Variants in AGPAT5 observed in about 807,000 individuals in gnomAD.
AGPAT5 encodes 1-acyl-sn-glycerol-3-phosphate acyltransferase epsilon.
Under a neutral mutation model 45.6 loss-of-function variants are expected in AGPAT5, and 46 were observed. The ratio of observed to expected loss-of-function variants is 1.01; its 90% CI spans 0.80 to 1.29. The LOEUF is 1.29. AGPAT5 is among the 50% of genes most tolerant of loss of function. The pLI is 0.00. For synonymous variants in AGPAT5, 272 were observed against 167.0 expected (o/e 1.63, Z -4.85); for missense variants, 673 against 450.7 (o/e 1.49, Z -4.47).
rs747102463 is a variant in AGPAT5, at chr8:6,730,856, A to G, written c.405+30A>G. The G allele has an allele frequency of 7.1e-6, 10 of 1,408,066 alleles. No homozygotes were observed. In the Admixed American group the frequency reaches 1.7e-4, roughly 24 times the overall value. 87.2% of individuals were successfully genotyped at this position (1,408,066 alleles called of 1,614,324 possible). A position where few individuals can be genotyped will look rare whatever the true frequency, so the allele number is the denominator to read the frequency against. ...CTTGTTTCCATGCTTTTCTCTCTATATATGTAGTTTATAAATTTTTTTTTT... is the reference window on the plus strand; with the variant it reads ...CTTGTTTCCATGCTTTTCTCTCTATGTATGTAGTTTATAAATTTTTTTTTT... On this transcript the variant is annotated intron_variant, in intron 3 of 7. Transcript: ENST00000285518.
intron 6 of AGPAT5, among the ~76,000 whole-genome samples, chr8:6,753,324 A>G (rs1801719046): frequency 6.6e-6 from 1 of 152,192 alleles, no homozygotes; most frequent in African/African-American, 2.4e-5. Context: ...CCAGCACTTG[A>G]AATACCGGGT....
chr8:6,732,550 G>C lies in AGPAT5; in HGVS notation c.406-11G>C. The C allele has an allele frequency of 6.3e-7, 1 of 1,583,210 alleles. No individual in the cohort carries two copies. Among genetic ancestry groups the C allele is most frequent in the Non-Finnish European group, 8.5e-7 (1 of 1,170,856 alleles). On this transcript the variant is annotated splice_polypyrimidine_tract_variant and intron_variant, in intron 3 of 7. Transcript: ENST00000285518. ...AAGTAAATGCTCTTTCTCCCGATTTGATTGTGGCAGCATGGAGGAATCTAT... is the reference window on the plus strand; with the variant it reads ...AAGTAAATGCTCTTTCTCCCGATTTCATTGTGGCAGCATGGAGGAATCTAT...
chr8:6,754,820 T>C (rs1463945046), intron 6 of AGPAT5, among the ~76,000 whole-genome samples: 4 of 152,196 alleles, frequency 2.6e-5, no homozygotes, highest in African/African-American at 4.8e-5. Context: ...ATGACTTATG[T>C]AATTGTAGTT....
chr8:6,728,455 T>A (rs1332299832), intron 2 of AGPAT5, among the ~76,000 whole-genome samples: 1 of 152,216 alleles, frequency 6.6e-6, no homozygotes, highest in Non-Finnish European at 1.5e-5. Context: ...TTCTTAAATG[T>A]TTCCACTAAA....
intron 6 of AGPAT5, among the ~76,000 whole-genome samples, chr8:6,748,740 G>C (rs1378556179): frequency 6.6e-6 from 1 of 152,076 alleles, no homozygotes; most frequent in Admixed American, 6.6e-5. Flanking sequence ...CCTTACCTCA[G>C]GTGATCCACG....
At chr8:6,732,674 T>C (rs1423570947) in intron 4 of AGPAT5, 24 bp downstream of exon 4, 1 of 1,543,444 alleles carries the variant, frequency 6.5e-7, no homozygotes, top group Non-Finnish European at 8.8e-7. Flanking sequence ...CGTTTTTATT[T>C]TTCTTACCAG....
At chr8:6,732,046 C>G (rs960686675) in intron 3 of AGPAT5, among the ~76,000 whole-genome samples, 3 of 152,202 alleles carry the variant, frequency 2.0e-5, no homozygotes, top group African/African-American at 4.8e-5. Context: ...AAGTCCCTCT[C>G]TCTGAATACA....
chr8:6,723,808 G>A (rs1800589314), intron 1 of AGPAT5, among the ~76,000 whole-genome samples: 2 of 152,150 alleles, frequency 1.3e-5, no homozygotes, highest in South Asian at 2.1e-4. Context: ...AAGTGCATTT[G>A]TCTGCAAAGT....
chr8:6,757,405 A>G lies in AGPAT5; in HGVS notation c.*17A>G. The G allele has an allele frequency of 6.3e-7, 1 of 1,599,936 alleles. No individual in the cohort carries two copies. Among genetic ancestry groups the G allele is most frequent in the East Asian group, 2.2e-5 (1 of 44,794 alleles). On this transcript the variant is annotated 3_prime_UTR_variant, in exon 8 of 8. Coordinates refer to ENST00000285518, the MANE Select transcript of AGPAT5 (RefSeq NM_018361.5). Reference sequence around the variant, plus strand: ...AAAGCATAGACAAGTAGCTGTCTCCAGACAGTGGGATGTGCTACATTGTCT... The same window carrying G: ...AAAGCATAGACAAGTAGCTGTCTCCGGACAGTGGGATGTGCTACATTGTCT...
chr8:6,724,864 T>C lies in AGPAT5; in HGVS notation c.220-6T>C. The C allele has an allele frequency of 1.1e-6, 1 of 942,136 alleles. No homozygotes were observed. 58.4% of individuals were successfully genotyped at this position (942,136 alleles called of 1,614,324 possible). On this transcript the variant is annotated splice_region_variant and splice_polypyrimidine_tract_variant and intron_variant, in intron 1 of 7. Transcript: ENST00000285518. Reference sequence around the variant, plus strand: ...CAAAGTAATGTTTTTTTGTTTTATCTTTTAGATATTGCTATATGGAGATTT... The same window carrying C: ...CAAAGTAATGTTTTTTTGTTTTATCCTTTAGATATTGCTATATGGAGATTT...
intron 4 of AGPAT5, among the ~76,000 whole-genome samples, chr8:6,739,370 A>G (rs1422879966): frequency 1.3e-5 from 2 of 152,120 alleles, no homozygotes; most frequent in Non-Finnish European, 1.5e-5. Flanking sequence ...GATATAGATG[A>G]ATTTGGGAAG....
In AGPAT5 at chr8:6,760,367, C is replaced by T. The variant is rs1801994151; in HGVS notation, c.*2979C>T. On this transcript the variant is annotated 3_prime_UTR_variant, in exon 8 of 8. Coordinates refer to ENST00000285518, the MANE Select transcript of AGPAT5 (RefSeq NM_018361.5). The stretch of plus-strand genomic sequence containing the variant: ...GAGCCATGGACATACCACTGCACTA[C>T]AGCCTAGGTAACAGCACGAGACCCC... Among the ~76,000 whole-genome samples, 1 of 152,090 alleles carries T rather than the reference C, an allele frequency of 6.6e-6. No individual in the cohort carries two copies. The highest frequency in any genetic ancestry group is 2.1e-4 in the South Asian group (1 of 4,820).
Position 6,760,471 on chromosome 8 carries a change from C to T in AGPAT5, c.*3083C>T, listed in dbSNP as rs995952383. On this transcript the variant is annotated 3_prime_UTR_variant, in exon 8 of 8. Transcript: ENST00000285518. Reference sequence around the variant, plus strand: ...ACACACAGTAACTCCCAGATATGTACCACAAAAAATGTGAAAAGAGAGAGA... The same window carrying T: ...ACACACAGTAACTCCCAGATATGTATCACAAAAAATGTGAAAAGAGAGAGA... 6.6e-6 allele frequency among the ~76,000 whole-genome samples: 1 copy of T among 151,720 alleles called. No individual in the cohort carries two copies. Among genetic ancestry groups the T allele is most frequent in the African/African-American group, 2.4e-5 (1 of 41,228 alleles).
At chr8:6,726,112 T>A (rs1800677849) in intron 2 of AGPAT5, among the ~76,000 whole-genome samples, 1 of 152,236 alleles carries the variant, frequency 6.6e-6, no homozygotes, top group Non-Finnish European at 1.5e-5. Flanking sequence ...TTTTATCTAA[T>A]TACATTTCAC....
chr8:6,710,111 C>G (rs756834220), intron 1 of AGPAT5, among the ~76,000 whole-genome samples: 2 of 151,896 alleles, frequency 1.3e-5, no homozygotes, highest in African/African-American at 4.9e-5. Flanking sequence ...GCTCAGAACA[C>G]AAAGTCATTC....
chr8:6,725,433 G>C (rs1305236686), intron 2 of AGPAT5, among the ~76,000 whole-genome samples: 1 of 152,140 alleles, frequency 6.6e-6, no homozygotes, highest in East Asian at 1.9e-4. Context: ...TTCCATCAGA[G>C]GAATTGCAGA....
At chr8:6,733,747 A>G (rs1052215626) in intron 4 of AGPAT5, among the ~76,000 whole-genome samples, 1 of 152,238 alleles carries the variant, frequency 6.6e-6, no homozygotes, top group Non-Finnish European at 1.5e-5. Context: ...TTTATACCTT[A>G]AAATGTCCAT....
chr8:6,727,727 G>T lies in AGPAT5; in HGVS notation c.289+2788G>T, dbSNP rs114208801. 3.1e-3 allele frequency among the ~76,000 whole-genome samples: 466 copies of T among 152,290 alleles called. 2 individuals carry two copies. Among genetic ancestry groups the T allele is most frequent in the African/African-American group, 0.011 (445 of 41,548 alleles). On this transcript the variant is annotated intron_variant, in intron 2 of 7. Coordinates refer to ENST00000285518, the MANE Select transcript of AGPAT5 (RefSeq NM_018361.5). ...CATGAAATGTTCTCTTTTCTTGGCT[G>T]AAGTGTCACTTTTCTTGTTGAACAG... is the stretch of plus-strand genomic sequence containing the variant.
At chr8:6,718,020 A>G (rs1800387877) in intron 1 of AGPAT5, among the ~76,000 whole-genome samples, 1 of 152,172 alleles carries the variant, frequency 6.6e-6, no homozygotes, top group Non-Finnish European at 1.5e-5. Context: ...TCTCAGTCTC[A>G]AGATTCTCGT....
Sources: allele counts gnomAD v4.1 joint callset (sites outside exome capture counted in the v4.1 genomes callset), GRCh38; gene constraint gnomAD v4.1.1; transcripts MANE v1.5; gene names NCBI Gene and HGNC (gene_info 2026-07-23, HGNC 2026-07-21).